The following PTPRD variants were observed in gnomAD, a reference collection of about 807,000 sequenced individuals.
The protein encoded by PTPRD is receptor-type tyrosine-protein phosphatase delta.
Under a neutral mutation model 214.5 loss-of-function variants are expected in PTPRD, and 34 were observed. That is an observed-to-expected ratio of 0.16 (90% confidence interval 0.12 to 0.21). The LOEUF is 0.21. PTPRD is among the 10% of genes least tolerant of loss of function. The pLI, the probability that PTPRD is intolerant of heterozygous loss-of-function variation, is 1.00. For synonymous variants in PTPRD, 1,128 were observed against 845.7 expected (o/e 1.33, Z -5.79); for missense variants, 2,545 against 2,398.7 (o/e 1.06, Z -1.27).
intron 3 of PTPRD, among the ~76,000 whole-genome samples, chr9:10,053,307 T>C (rs2097566525): frequency 6.6e-6 from 1 of 152,214 alleles, no homozygotes; most frequent in Non-Finnish European, 1.5e-5. Context: ...CCCAATGCCT[T>C]ATTTCTGCAA....
chr9:10,001,541 T>G (rs927469246), intron 4 of PTPRD, among the ~76,000 whole-genome samples: 8 of 152,064 alleles, frequency 5.3e-5, no homozygotes, highest in African/African-American at 1.9e-4. Flanking sequence ...TCACTGTCAA[T>G]AAGATTAAAA....
chr9:9,009,845 C>G (rs1179545461), intron 11 of PTPRD, among the ~76,000 whole-genome samples: 2 of 151,886 alleles, frequency 1.3e-5, no homozygotes, highest in Non-Finnish European at 2.9e-5. Context: ...ATAATTTATA[C>G]TAATCTTCAT....
intron 3 of PTPRD, among the ~76,000 whole-genome samples, chr9:10,155,661 T>C (rs1471405938): frequency 6.6e-6 from 1 of 152,184 alleles, no homozygotes; most frequent in Admixed American, 6.6e-5. Flanking sequence ...TGAAGTGGTG[T>C]TGAATTTTAT....
chr9:8,681,792 A>T (rs1182255128), intron 12 of PTPRD, among the ~76,000 whole-genome samples: 1 of 152,234 alleles, frequency 6.6e-6, no homozygotes, highest in Non-Finnish European at 1.5e-5. Flanking sequence ...TGTTTCTAGC[A>T]AACTACTTAA....
At chr9:9,291,274 A>C (rs1951054452) in intron 9 of PTPRD, among the ~76,000 whole-genome samples, 1 of 151,406 alleles carries the variant, frequency 6.6e-6, no homozygotes, top group African/African-American at 2.4e-5. Flanking sequence ...GAAACCTTAA[A>C]CTTTTCTTCA....
In PTPRD at chr9:8,918,742, A is replaced by C. The variant is rs141714315; in HGVS notation, c.-104+99955T>G. Among the ~76,000 whole-genome samples, 597 of 152,244 alleles carry C rather than the reference A, an allele frequency of 3.9e-3. 5 individuals are homozygous for C. The highest frequency in any genetic ancestry group is 0.014 in the African/African-American group (572 of 41,540). On this transcript the variant is annotated intron_variant, in intron 11 of 45. Transcript: ENST00000381196. ...GGAAGAAATATTGTATATTTCAGAT[A>C]TTTCTATTCGGATACTTTAAAGGAA...
chr9:10,296,663 T>C (rs2095684511), intron 3 of PTPRD, among the ~76,000 whole-genome samples: 1 of 151,998 alleles, frequency 6.6e-6, no homozygotes. Context: ...GATTGAACCA[T>C]CAGTGTTTCA....
intron 4 of PTPRD, among the ~76,000 whole-genome samples, chr9:9,967,529 A>C (rs549145084): frequency 1.6e-4 from 25 of 152,302 alleles, no homozygotes; most frequent in African/African-American, 6.0e-4. Context: ...GTAATTTTAC[A>C]TGTTACATCA....
At chr9:8,823,738 G>T (rs1421168746) in intron 11 of PTPRD, among the ~76,000 whole-genome samples, 1 of 152,150 alleles carries the variant, frequency 6.6e-6, no homozygotes, top group Non-Finnish European at 1.5e-5. Context: ...TTTGTTACAG[G>T]AAAGGAGTCT....
At chr9:9,879,155 T>C (rs999455019) in intron 5 of PTPRD, among the ~76,000 whole-genome samples, 4 of 152,250 alleles carry the variant, frequency 2.6e-5, no homozygotes, top group African/African-American at 9.6e-5. Context: ...AGACAGAGTA[T>C]GAAGGACTAG....
chr9:9,483,936 C>T (rs1434478462), intron 8 of PTPRD, among the ~76,000 whole-genome samples: 1 of 151,684 alleles, frequency 6.6e-6, no homozygotes, highest in East Asian at 1.9e-4. Flanking sequence ...ATTATAAATG[C>T]TTTTCTAGAA....
At chr9:9,868,663 T>C (rs2064636504) in intron 5 of PTPRD, among the ~76,000 whole-genome samples, 2 of 151,844 alleles carry the variant, frequency 1.3e-5, no homozygotes, top group African/African-American at 4.8e-5. Context: ...TTTGGCTAGT[T>C]TCAAGCAGGG....
At chr9:8,500,042 G>T (rs774935081) in intron 24 of PTPRD, among the ~76,000 whole-genome samples, 4 of 77,054 alleles carry the variant, frequency 5.2e-5, no homozygotes, top group Non-Finnish European at 8.0e-5. Flanking sequence ...CAAAAAACAT[G>T]ACCGATGCAA....
chr9:10,541,751 T>C (rs1261196800), intron 2 of PTPRD, among the ~76,000 whole-genome samples: 1 of 152,002 alleles, frequency 6.6e-6, no homozygotes, highest in South Asian at 2.1e-4. Flanking sequence ...AAATTTAACT[T>C]CTATAAAAGG....
chr9:9,583,736 C>G (rs1032310419), intron 7 of PTPRD, among the ~76,000 whole-genome samples: 3 of 151,934 alleles, frequency 2.0e-5, no homozygotes, highest in African/African-American at 7.2e-5. Flanking sequence ...ACTATGGCAA[C>G]ATTCATTTTC....
rs183093111 is a variant in PTPRD, at chr9:9,593,469, T to G, written c.-286-18688A>C. 1.1e-3 allele frequency among the ~76,000 whole-genome samples: 170 copies of G among 152,124 alleles called. 4 individuals are homozygous for G. The highest frequency in any genetic ancestry group is 0.01 in the Admixed American group (156 of 15,248). On this transcript the variant is annotated intron_variant, in intron 7 of 45. Transcript: ENST00000381196. ...GGTTTTGTTGTTGTTGCTCGGATTT[T>G]ATAGCCTATAGAAGACATATTTGAG...
At chr9:8,762,651 G>A (rs563331883) in intron 11 of PTPRD, among the ~76,000 whole-genome samples, 3 of 152,124 alleles carry the variant, frequency 2.0e-5, no homozygotes, top group Non-Finnish European at 2.9e-5. Flanking sequence ...AGCATGATGA[G>A]TGCTCAGGAA....
At chr9:10,252,299 T>G (rs1036199747) in intron 3 of PTPRD, among the ~76,000 whole-genome samples, 1 of 152,146 alleles carries the variant, frequency 6.6e-6, no homozygotes, top group Admixed American at 6.6e-5. Flanking sequence ...GTGCCACTCC[T>G]TCATCTCCAT....
chr9:9,593,201 T>G (rs965181694), intron 7 of PTPRD, among the ~76,000 whole-genome samples: 6 of 151,840 alleles, frequency 4.0e-5, no homozygotes, highest in East Asian at 1.9e-4. Flanking sequence ...GTTTTGTTTT[T>G]TTTTTGTTTT....
Sources: allele counts gnomAD v4.1 joint callset (sites outside exome capture counted in the v4.1 genomes callset), GRCh38; gene constraint gnomAD v4.1.1; transcripts MANE v1.5; gene names NCBI Gene and HGNC (gene_info 2026-07-23, HGNC 2026-07-21).